The following PTK7 variants were observed in gnomAD, a reference collection of about 807,000 sequenced individuals.
PTK7 encodes inactive tyrosine-protein kinase 7.
PTK7 carries 39 observed loss-of-function variants against 116.6 expected under a neutral mutation model. The observed-to-expected ratio is 0.33, with a 90% confidence interval of 0.26 to 0.44. PTK7 has a LOEUF of 0.44. Ranked by LOEUF, PTK7 falls within the 20% of genes least tolerant of loss-of-function variation. PTK7 has a pLI of 1.00. For synonymous variants in PTK7, 546 were observed against 563.6 expected (o/e 0.97, Z 0.44); for missense variants, 1,169 against 1,425.6 (o/e 0.82, Z 2.90).
At chr6:43,106,429 TC>T (rs1436301746) in intron 1 of PTK7, among the ~76,000 whole-genome samples, 1 of 151,812 alleles carries the variant, frequency 6.6e-6, no homozygotes, top group African/African-American at 2.4e-5. Context: ...TGTTGCAGCC[TC>T]CCAGGTGGCT....
intron 1 of PTK7, among the ~76,000 whole-genome samples, chr6:43,102,250 C>A (rs1000345903): frequency 6.6e-6 from 1 of 152,082 alleles, no homozygotes; most frequent in Non-Finnish European, 1.5e-5. Context: ...TACAGTGAAA[C>A]CCCATCTCTA....
intron 1 of PTK7, among the ~76,000 whole-genome samples, chr6:43,080,803 G>T (rs1296037378): frequency 6.6e-6 from 1 of 152,172 alleles, no homozygotes; most frequent in East Asian, 1.9e-4. Context: ...TTAGCTGGGT[G>T]TGGTGGCACA....
At chr6:43,116,981 AC>A (rs1768593332) in intron 1 of PTK7, among the ~76,000 whole-genome samples, 1 of 151,846 alleles carries the variant, frequency 6.6e-6, no homozygotes, top group Non-Finnish European at 1.5e-5. Context: ...CCGACAGTAC[AC>A]CTGGCTAATT....
rs1488507916 is a variant in PTK7 at position 43,161,350 on chromosome 6, A to G, written c.*469A>G. 1 of 168,144 alleles carries G rather than the reference A, an allele frequency of 5.9e-6. No homozygotes were observed. The highest frequency in any genetic ancestry group is 2.4e-5 in the African/African-American group (1 of 41,950). The allele number at this position is 168,144 out of a possible 1,614,324, so 10.4% of individuals were successfully genotyped here. A position where few individuals can be genotyped will look rare whatever the true frequency, so the allele number is the denominator to read the frequency against. ...CCACTGGTCCCACTTGGGGGTCTAG[A>G]CCAGGATTATAGAGGACACAGCAAG... On this transcript the variant is annotated 3_prime_UTR_variant, in exon 20 of 20. Coordinates refer to ENST00000230419, the MANE Select transcript of PTK7 (RefSeq NM_002821.5).
rs1290878316 is a variant in PTK7 at position 43,127,358 on chromosome 6, G to T, written c.80-1619G>T. Among the ~76,000 whole-genome samples, 2 of 152,220 alleles carry T rather than the reference G, an allele frequency of 1.3e-5. 1 individual carries two copies. Among genetic ancestry groups the T allele is most frequent in the African/African-American group, 4.8e-5 (2 of 41,460 alleles). On this transcript the variant is annotated intron_variant, in intron 1 of 19. Transcript: ENST00000230419. ...CCACGCGGGCTAGGAACAAAGTCCAGTGTGTTGCTCCTGCCGCCGCCGTAA... is the reference window on the plus strand; with the variant it reads ...CCACGCGGGCTAGGAACAAAGTCCATTGTGTTGCTCCTGCCGCCGCCGTAA...
At chr6:43,126,757 A>G (rs1013897594) in intron 1 of PTK7, among the ~76,000 whole-genome samples, 2 of 152,258 alleles carry the variant, frequency 1.3e-5, no homozygotes, top group Non-Finnish European at 2.9e-5. Flanking sequence ...GAGCAGGAAC[A>G]GAGCCCTATT....
chr6:43,146,668 G>A lies in PTK7; in HGVS notation c.2691G>A (p.Leu897=). Residue 897 remains leucine (L), a synonymous_variant, in exon 17 of 20, where the codon TTG becomes TTA. Coordinates refer to ENST00000230419, the MANE Select transcript of PTK7 (RefSeq NM_002821.5). ...TTTCCAAGAGCAAGGATGAAAAATT[G>A]AAGTCACAGCCCCTCAGCACCAAGC... ...LRISKSKDEK[L]KSQPLSTKQK... 1 of 1,613,440 alleles carries A rather than the reference G, an allele frequency of 6.2e-7. No homozygotes were observed. The highest frequency in any genetic ancestry group is 8.5e-7 in the Non-Finnish European group (1 of 1,179,956).
chr6:43,116,462 C>T (rs1009132860), intron 1 of PTK7, among the ~76,000 whole-genome samples: 4 of 152,190 alleles, frequency 2.6e-5, no homozygotes, highest in South Asian at 2.1e-4. Flanking sequence ...TTGTCTGCTC[C>T]GGGAAGTGGT....
chr6:43,083,508 C>T (rs764132973), intron 1 of PTK7, among the ~76,000 whole-genome samples: 2 of 152,342 alleles, frequency 1.3e-5, no homozygotes, highest in Non-Finnish European at 1.5e-5. Flanking sequence ...AGCTAATCAG[C>T]GGTTTGAGGA....
chr6:43,119,649 C>A (rs1308523634), intron 1 of PTK7, among the ~76,000 whole-genome samples: 1 of 152,226 alleles, frequency 6.6e-6, no homozygotes. Context: ...GGAGCACTGG[C>A]TGAGCACCAC....
chr6:43,080,496 C>T (rs1766317378), intron 1 of PTK7, among the ~76,000 whole-genome samples: 1 of 151,870 alleles, frequency 6.6e-6, no homozygotes, highest in South Asian at 2.1e-4. Context: ...GTTTTTGATC[C>T]TCTGTTGAGG....
intron 18 of PTK7, among the ~76,000 whole-genome samples, 179 bp downstream of exon 18, chr6:43,159,147 C>A (rs761611143): frequency 1.8e-4 from 27 of 152,096 alleles, no homozygotes; most frequent in Non-Finnish European, 2.8e-4. Flanking sequence ...GGCTTCCCAC[C>A]CAGTGCACAC....
At chr6:43,136,499 C>T (rs1486739224) in intron 7 of PTK7, among the ~76,000 whole-genome samples, 2 of 152,154 alleles carry the variant, frequency 1.3e-5, no homozygotes, top group African/African-American at 4.8e-5. Context: ...TGGCCTGGTC[C>T]CTGGCGGCCA....
intron 17 of PTK7, among the ~76,000 whole-genome samples, chr6:43,147,650 G>A (rs1770800588): frequency 1.3e-5 from 2 of 152,342 alleles, no homozygotes; most frequent in East Asian, 3.9e-4. Flanking sequence ...GCTGGCAGAT[G>A]AATCAGGTGA....
chr6:43,114,168 T>C (rs576878776), intron 1 of PTK7, among the ~76,000 whole-genome samples: 1 of 152,336 alleles, frequency 6.6e-6, no homozygotes, highest in African/African-American at 2.4e-5. Flanking sequence ...GAGCTCCATG[T>C]GTGCATGCAT....
chr6:43,137,850 A>G (rs9381234), intron 7 of PTK7, among the ~76,000 whole-genome samples: 71,517 of 151,974 alleles, frequency 0.47, 17,660 homozygotes, highest in African/African-American at 0.6. Context: ...TCTTTCGCCC[A>G]GGCTGGAGTG....
intron 1 of PTK7, among the ~76,000 whole-genome samples, chr6:43,117,763 T>C (rs554178775): frequency 1.3e-5 from 2 of 151,970 alleles, no homozygotes; most frequent in East Asian, 3.9e-4. Context: ...GGTGAAACCC[T>C]GTCTCTACTA....
chr6:43,099,132 T>A lies in PTK7; in HGVS notation c.79+22565T>A, dbSNP rs180895707. ...TACTTAAAAAAAAAAGGAAAAAAAA[T>A]GTGACTTTGGCAATTCTAATGTAGA... is the stretch of plus-strand genomic sequence containing the variant. On this transcript the variant is annotated intron_variant, in intron 1 of 19. Coordinates refer to ENST00000230419, the MANE Select transcript of PTK7 (RefSeq NM_002821.5). 4.4e-3 allele frequency among the ~76,000 whole-genome samples: 663 copies of A among 150,824 alleles called. 3 individuals are homozygous for A. The highest frequency in any genetic ancestry group is 0.015 in the African/African-American group (629 of 41,130).
chr6:43,156,533 A>G (rs911672011), intron 17 of PTK7, among the ~76,000 whole-genome samples: 1 of 151,590 alleles, frequency 6.6e-6, no homozygotes, highest in Non-Finnish European at 1.5e-5. Flanking sequence ...ACTTGAGTCC[A>G]GGAGGGCGAG....
Sources: allele counts gnomAD v4.1 joint callset (sites outside exome capture counted in the v4.1 genomes callset), GRCh38; gene constraint gnomAD v4.1.1; transcripts MANE v1.5; gene names NCBI Gene and HGNC (gene_info 2026-07-23, HGNC 2026-07-21).